ADGRB3: variants seen among roughly 807,000 people sequenced by gnomAD.
The protein encoded by ADGRB3 is brain-specific angiogenesis inhibitor 3.
A neutral mutation model predicts 193.4 loss-of-function variants in ADGRB3; 37 were observed. That is an observed-to-expected ratio of 0.19 (90% CI 0.15 to 0.25). The LOEUF (loss-of-function observed/expected upper bound fraction) is 0.25. ADGRB3 is among the 10% of genes least tolerant of loss of function. The pLI, the probability that ADGRB3 is intolerant of heterozygous loss-of-function variation, is 1.00. For missense variants in ADGRB3, 1,637 were observed against 1,852.9 expected (o/e 0.88, Z 2.14); for synonymous variants, 690 against 644.2 (o/e 1.07, Z -1.08).
intron 17 of ADGRB3, among the ~76,000 whole-genome samples, chr6:69,135,584 A>G (rs573438636): frequency 1.3e-4 from 20 of 152,064 alleles, no homozygotes; most frequent in South Asian, 8.3e-4. Context: ...TTCATTATTA[A>G]GAAAAATTTT....
At chr6:69,365,244 G>A (rs1254746118) in intron 29 of ADGRB3, among the ~76,000 whole-genome samples, 2 of 152,082 alleles carry the variant, frequency 1.3e-5, no homozygotes, top group African/African-American at 2.4e-5. Flanking sequence ...ACTGGTGAGA[G>A]AGTAGAGGTT....
rs150375798 is a variant in ADGRB3 at position 69,122,993 on chromosome 6, C to CGTGTGTGTGTGTGT, written c.2480+46960_2480+46961insTGTGTGTGTGTGTG. 9.3e-3 allele frequency among the ~76,000 whole-genome samples: 1,386 copies of CGTGTGTGTGTGTGT among 148,700 alleles called. 17 individuals carry two copies. Among genetic ancestry groups the CGTGTGTGTGTGTGT allele is most frequent in the East Asian group, 0.024 (117 of 4,820 alleles). On this transcript the variant is annotated intron_variant, in intron 17 of 31. Coordinates refer to ENST00000370598, the MANE Select transcript of ADGRB3 (RefSeq NM_001704.3). ...ATGTGTGTATATATATATACACATA[C>CGTGTGTGTGTGTGT]GTGTGAGTGTGTGTGTGTGTGTGTG...
At chr6:68,873,764 G>A (rs551284574) in intron 3 of ADGRB3, among the ~76,000 whole-genome samples, 1 of 151,918 alleles carries the variant, frequency 6.6e-6, no homozygotes, top group Non-Finnish European at 1.5e-5. Context: ...TTGGGGTGAG[G>A]GATTAAGAAG....
At chr6:69,073,667 A>G (rs1224136193) in intron 16 of ADGRB3, among the ~76,000 whole-genome samples, 5 of 152,072 alleles carry the variant, frequency 3.3e-5, no homozygotes, top group Non-Finnish European at 5.9e-5. Flanking sequence ...CATTCCTTAT[A>G]CTGCACAGGC....
At chr6:69,175,929 T>G (rs1431271331) in intron 17 of ADGRB3, among the ~76,000 whole-genome samples, 1 of 152,050 alleles carries the variant, frequency 6.6e-6, no homozygotes, top group Non-Finnish European at 1.5e-5. Flanking sequence ...ATTTGGTTCT[T>G]AACATGGCAA....
Position 69,031,550 on chromosome 6 carries a change from T to TTTCTTTCTTTCTTTCTTTC in ADGRB3, c.2107+13053_2107+13054insCTTTCTTTCTTTCTTTCTT. 2.0e-3 allele frequency among the ~76,000 whole-genome samples: 142 copies of TTTCTTTCTTTCTTTCTTTC among 70,076 alleles called. 19 individuals are homozygous for TTTCTTTCTTTCTTTCTTTC. Among genetic ancestry groups the TTTCTTTCTTTCTTTCTTTC allele is most frequent in the African/African-American group, 3.1e-3 (63 of 20,244 alleles). The allele number at this position is 70,076 out of a possible 152,430, so 46.0% of individuals were successfully genotyped here. On this transcript the variant is annotated intron_variant, in intron 13 of 31. Coordinates refer to ENST00000370598, the MANE Select transcript of ADGRB3 (RefSeq NM_001704.3). ...CTTTCTTTCTTTCTTTCTTTCTTTC[T>TTTCTTTCTTTCTTTCTTTC]TTTTCTTTCTTTCTTTTCTTCCTCT...
intron 17 of ADGRB3, among the ~76,000 whole-genome samples, chr6:69,177,192 A>G (rs1277398983): frequency 6.6e-6 from 1 of 151,486 alleles, no homozygotes. Flanking sequence ...TTGTTTTTCT[A>G]GTTCTTCTGG....
intron 17 of ADGRB3, among the ~76,000 whole-genome samples, chr6:69,167,551 A>C (rs1220590890): frequency 6.6e-6 from 1 of 152,140 alleles, no homozygotes; most frequent in African/African-American, 2.4e-5. Flanking sequence ...CAAACATCTA[A>C]ATTTAGAGAT....
At chr6:69,294,791 C>T (rs1182039592) in intron 20 of ADGRB3, among the ~76,000 whole-genome samples, 2 of 151,948 alleles carry the variant, frequency 1.3e-5, no homozygotes, top group Admixed American at 1.3e-4. Context: ...TGTTTGTTTC[C>T]TGGAAGGTGA....
intron 3 of ADGRB3, among the ~76,000 whole-genome samples, chr6:68,888,063 A>C (rs553571697): frequency 6.6e-6 from 1 of 152,146 alleles, no homozygotes; most frequent in Non-Finnish European, 1.5e-5. Flanking sequence ...AAAGAGTATA[A>C]AAACCTATTC....
At chr6:69,196,221 A>C (rs1765293337) in intron 17 of ADGRB3, among the ~76,000 whole-genome samples, 1 of 152,076 alleles carries the variant, frequency 6.6e-6, no homozygotes, top group Non-Finnish European at 1.5e-5. Flanking sequence ...ACATAACAAA[A>C]ATTTCCTTTC....
At chr6:69,242,338 T>C (rs1766402524) in intron 20 of ADGRB3, among the ~76,000 whole-genome samples, 1 of 151,910 alleles carries the variant, frequency 6.6e-6, no homozygotes, top group South Asian at 2.1e-4. Flanking sequence ...CAGATTTGTA[T>C]CTTTGACTTC....
chr6:68,915,756 T>C (rs893084675), intron 3 of ADGRB3, among the ~76,000 whole-genome samples: 1 of 151,612 alleles, frequency 6.6e-6, no homozygotes, highest in African/African-American at 2.4e-5. Context: ...TCTGGAGCTT[T>C]GAGTGGGAGG....
chr6:68,653,835 A>G (rs997363461), intron 3 of ADGRB3, among the ~76,000 whole-genome samples: 2 of 151,124 alleles, frequency 1.3e-5, no homozygotes. Flanking sequence ...CTTCCTGCCT[A>G]TCTTCCTTCC....
chr6:68,669,446 T>C lies in ADGRB3; in HGVS notation c.757+30014T>C, dbSNP rs540000753. The stretch of plus-strand genomic sequence containing the variant: ...TCCTTTTACTCTCTATGTCCGTGAG[T>C]TCAATTGTTTTGATTTTTAGATCCC... On this transcript the variant is annotated intron_variant, in intron 3 of 31. Transcript: ENST00000370598. Among the ~76,000 whole-genome samples, 577 of 151,976 alleles carry C rather than the reference T, an allele frequency of 3.8e-3. 2 individuals are homozygous for C. The highest frequency in any genetic ancestry group is 5.2e-3 in the Non-Finnish European group (353 of 67,912).
At chr6:68,728,073 A>G (rs774183769) in intron 3 of ADGRB3, among the ~76,000 whole-genome samples, 2 of 151,492 alleles carry the variant, frequency 1.3e-5, no homozygotes, top group African/African-American at 2.4e-5. Context: ...TTCTATGAGA[A>G]TGGCTTTTTA....
At chr6:69,283,352 A>T (rs767861159) in intron 20 of ADGRB3, among the ~76,000 whole-genome samples, 2 of 152,116 alleles carry the variant, frequency 1.3e-5, no homozygotes, top group Non-Finnish European at 1.5e-5. Flanking sequence ...AGACAATTTC[A>T]TGCTTCACCC....
chr6:69,102,185 A>AG (rs1377332056), intron 17 of ADGRB3, among the ~76,000 whole-genome samples: 6 of 151,808 alleles, frequency 4.0e-5, no homozygotes, highest in African/African-American at 9.7e-5. Flanking sequence ...CTCAAAAAAA[A>AG]AAAAAAAAAA....
At chr6:68,891,777 A>T (rs1371050998) in intron 3 of ADGRB3, among the ~76,000 whole-genome samples, 3 of 152,148 alleles carry the variant, frequency 2.0e-5, no homozygotes, top group African/African-American at 7.2e-5. Flanking sequence ...GGAAGAGGAG[A>T]GGGAGATGCT....
Sources: allele counts gnomAD v4.1 joint callset (sites outside exome capture counted in the v4.1 genomes callset), GRCh38; gene constraint gnomAD v4.1.1; transcripts MANE v1.5; gene names NCBI Gene and HGNC (gene_info 2026-07-23, HGNC 2026-07-21).